The following BCL2L15 variants were observed in gnomAD, a reference collection of about 807,000 sequenced individuals.
BCL2L15 encodes the protein bcl-2-like protein 15.
BCL2L15 carries 15 observed loss-of-function variants against 18.3 expected under a neutral mutation model. That is an observed-to-expected ratio of 0.82 (90% CI 0.55 to 1.26). BCL2L15 has a LOEUF of 1.26. Ranked by LOEUF, BCL2L15 falls within the 50% of genes most tolerant of loss-of-function variation. BCL2L15 has a pLI of 0.00. For synonymous variants in BCL2L15, 58 were observed against 68.5 expected (o/e 0.85, Z 0.76); for missense variants, 180 against 201.7 (o/e 0.89, Z 0.65).
At position 113,878,763 on chromosome 1, in the gene BCL2L15, C is replaced by A. The variant is rs1666788694; in HGVS notation, c.*2360G>T. On this transcript the variant is annotated 3_prime_UTR_variant, in exon 4 of 4. Transcript: ENST00000393316. ...TAACTGGTAGCCAAAAATATAATTTCTACTAAAGAGAAACAGGACACATCA... is the reference window on the plus strand; with the variant it reads ...TAACTGGTAGCCAAAAATATAATTTATACTAAAGAGAAACAGGACACATCA... 6.6e-6 allele frequency: 1 copy of A among 152,134 alleles called. No homozygotes were observed. Among genetic ancestry groups the A allele is most frequent in the African/African-American group, 2.4e-5 (1 of 41,390 alleles). The allele number at this position is 152,134 out of a possible 1,614,324, so 9.4% of individuals were successfully genotyped here. A position where few individuals can be genotyped will look rare whatever the true frequency, so the allele number is the denominator to read the frequency against.
At chr1:113,882,921 CAGAG>C (rs1666921891) in intron 2 of BCL2L15, among the ~76,000 whole-genome samples, 1 of 152,124 alleles carries the variant, frequency 6.6e-6, no homozygotes, top group Admixed American at 6.5e-5. Flanking sequence ...GCCTAGGCAA[CAGAG>C]AAAGACTGTC....
intron 2 of BCL2L15, among the ~76,000 whole-genome samples, chr1:113,884,580 A>G (rs1049313512): frequency 5.9e-5 from 9 of 152,220 alleles, no homozygotes; most frequent in Non-Finnish European, 7.3e-5. Context: ...GATTGTGGTT[A>G]CATTACAGAA....
intron 1 of BCL2L15, 115 bp from the exon 2 acceptor site, chr1:113,886,773 C>T: frequency 9.9e-7 from 1 of 1,008,238 alleles, no homozygotes; most frequent in Non-Finnish European, 1.4e-6. Flanking sequence ...TCATGATCTC[C>T]CAAGAGCTTA....
rs183411608 is a variant in BCL2L15, at chr1:113,879,507, T to G, written c.*1616A>C. On this transcript the variant is annotated 3_prime_UTR_variant, in exon 4 of 4. Transcript: ENST00000393316. ...ACTCAGGAGCTACAGAGCTCTCTGA[T>G]TGGCTGAAGACCCAGAGAAACTGTG... 1 of 152,380 alleles carries G rather than the reference T, an allele frequency of 6.6e-6. No individual in the cohort carries two copies. Among genetic ancestry groups the G allele is most frequent in the Non-Finnish European group, 1.5e-5 (1 of 68,050 alleles). 9.4% of individuals were successfully genotyped at this position (152,380 alleles called of 1,614,324 possible). A position where few individuals can be genotyped will look rare whatever the true frequency, so the allele number is the denominator to read the frequency against.
Position 113,886,603 on chromosome 1 carries a change from AC to A in BCL2L15, c.182del (p.Gly61ValfsTer46). On this transcript the variant is annotated frameshift_variant, in exon 2 of 4. Coordinates refer to ENST00000393316, the MANE Select transcript of BCL2L15 (RefSeq NM_001010922.3). LOFTEE classifies it high-confidence loss of function. ...CTTCCAATTCTCCGTTGAACTGGTC[AC>A]CCAACATCCGAAGGCGACCAGCAAT... ...AIIAGRLRMLGDQFNGELEAS... is the reference protein window; with the variant it reads ...AIIAGRLRMLXDQFNGELEAS... 1.2e-6 allele frequency: 2 copies of A among 1,613,740 alleles called. No individual in the cohort carries two copies. The highest frequency in any genetic ancestry group is 2.2e-5 in the South Asian group (2 of 91,036).
At chr1:113,884,554 C>G (rs930899235) in intron 2 of BCL2L15, among the ~76,000 whole-genome samples, 6 of 151,980 alleles carry the variant, frequency 3.9e-5, no homozygotes, top group Non-Finnish European at 7.4e-5. Context: ...TGTTAATTTC[C>G]TGGTTTTGAT....
intron 2 of BCL2L15, among the ~76,000 whole-genome samples, chr1:113,883,208 C>T (rs1374242805): frequency 1.3e-5 from 2 of 152,030 alleles, no homozygotes; most frequent in Admixed American, 6.5e-5. Context: ...AGAGGCCGGG[C>T]GCAGTGGCTC....
At chr1:113,887,143 C>A in intron 1 of BCL2L15, 106 bp downstream of exon 1, 1 of 1,037,364 alleles carries the variant, frequency 9.6e-7, no homozygotes, top group Non-Finnish European at 1.4e-6. Flanking sequence ...GGTGATCCAC[C>A]CACCTTGGCC....
At chr1:113,881,338 A>G in intron 3 of BCL2L15, 198 bp from the exon 4 acceptor site, 1 of 1,020,172 alleles carries the variant, frequency 9.8e-7, no homozygotes, top group South Asian at 1.8e-5. Flanking sequence ...AATACCTTAT[A>G]TAGTTACCAC....
Position 113,877,351 on chromosome 1 carries a change from C to A in BCL2L15, c.*3772G>T. On this transcript the variant is annotated 3_prime_UTR_variant, in exon 4 of 4. Coordinates refer to ENST00000393316, the MANE Select transcript of BCL2L15 (RefSeq NM_001010922.3). ...TTTTTTTTTTTTTAAAAAAAACAAC[C>A]TTATTAAGGTAGTGCTGATGTACAA... is the stretch of plus-strand genomic sequence containing the variant. 6.7e-6 allele frequency among the ~76,000 whole-genome samples: 1 copy of A among 149,886 alleles called. No homozygotes were observed.
chr1:113,884,444 A>C (rs1353269618), intron 2 of BCL2L15, among the ~76,000 whole-genome samples: 1 of 152,230 alleles, frequency 6.6e-6, no homozygotes. Context: ...AACTAAATGC[A>C]GTATGTGATT....
chr1:113,883,177 C>T (rs929016588), intron 2 of BCL2L15, among the ~76,000 whole-genome samples: 3 of 151,932 alleles, frequency 2.0e-5, no homozygotes, highest in African/African-American at 7.3e-5. Context: ...TTCTAAATAT[C>T]ATTCTCCATT....
In BCL2L15 at chr1:113,881,213, T is replaced by C; in HGVS notation, c.475-73A>G. 3.7e-6 allele frequency: 6 copies of C among 1,606,268 alleles called. 1 individual carries two copies. The South Asian group carries it at 6.6e-5, about 18-fold the overall frequency. Reference sequence around the variant, plus strand: ...AACTTCCTAAGAAACCAGGAAATGATCTGCAGATAGCTCCAGGAAATGTAG... The same window carrying C: ...AACTTCCTAAGAAACCAGGAAATGACCTGCAGATAGCTCCAGGAAATGTAG... On this transcript the variant is annotated intron_variant, in intron 3 of 3. Coordinates refer to ENST00000393316, the MANE Select transcript of BCL2L15 (RefSeq NM_001010922.3).
At position 113,880,947 on chromosome 1, in the gene BCL2L15, C is replaced by A. The variant is rs1413540932; in HGVS notation, c.*176G>T. The A allele has an allele frequency of 2.5e-6, 2 of 794,444 alleles. No homozygotes were observed. The highest frequency in any genetic ancestry group is 1.7e-5 in the African/African-American group (1 of 57,494). The allele number at this position is 794,444 out of a possible 1,614,324, so 49.2% of individuals were successfully genotyped here. ...ACAAAACAAAAACCAACTCTGCAGG[C>A]CTCTGGCAGCTGCTCCCAACTTTAA... On this transcript the variant is annotated 3_prime_UTR_variant, in exon 4 of 4. Transcript: ENST00000393316.
rs1417908020 is a variant in BCL2L15 at position 113,881,814 on chromosome 1, T to A, written c.433A>T (p.Asn145Tyr). 1 of 1,614,196 alleles carries A rather than the reference T, an allele frequency of 6.2e-7. No individual in the cohort carries two copies. Among genetic ancestry groups the A allele is most frequent in the Non-Finnish European group, 8.5e-7 (1 of 1,180,034 alleles). ...AIPMTGMING[N>Y]QAIREFIQGQ... ...TGGATGAACTCCCGGATGGCTTGGT[T>A]CCCATTGATCATACCCGTCATGGGG... The change falls in exon 3 of 4, where the codon AAC (asparagine) becomes TAC (tyrosine). Residue 145 changes from asparagine (N) to tyrosine (Y), a missense_variant. Transcript: ENST00000393316.
rs777242392 is a variant in BCL2L15, at chr1:113,881,968, T to C, written c.279A>G (p.Glu93=). 1.4e-5 allele frequency: 23 copies of C among 1,613,908 alleles called. No individual in the cohort carries two copies. The South Asian group carries it at 2.4e-4, about 17-fold the overall frequency. Residue 93 remains glutamate (E), a synonymous_variant, in exon 3 of 4, where the codon GAA becomes GAG. Transcript: ENST00000393316. ...GAGCACACCAGGTCTTGCTGAGAGATTCCACAGTGTCCTGGAGTATAGCTC... is the reference window on the plus strand; with the variant it reads ...GAGCACACCAGGTCTTGCTGAGAGACTCCACAGTGTCCTGGAGTATAGCTC... ...QTGAILQDTV[E]SLSKTWCAQD... is the part of the protein sequence containing the mutation.
chr1:113,881,342 T>G (rs1453797953), intron 3 of BCL2L15: 3 of 1,007,106 alleles, frequency 3.0e-6, no homozygotes, highest in Non-Finnish European at 4.2e-6. Context: ...CCTTATATAG[T>G]TACCACTACA....
chr1:113,886,389 G>T, intron 2 of BCL2L15, 148 bp downstream of exon 2: 1 of 947,248 alleles, frequency 1.1e-6, no homozygotes, highest in Admixed American at 3.1e-5. Flanking sequence ...TTTAGCAATT[G>T]GAGAATTCTT....
chr1:113,881,294 A>C lies in BCL2L15; in HGVS notation c.475-154T>G, dbSNP rs113732775. 6.0e-6 allele frequency: 7 copies of C among 1,175,812 alleles called. No individual in the cohort carries two copies. In the African/African-American group the frequency reaches 9.3e-5, roughly 16 times the overall value. The allele number at this position is 1,175,812 out of a possible 1,614,324, so 72.8% of individuals were successfully genotyped here. On this transcript the variant is annotated intron_variant, in intron 3 of 3. Coordinates refer to ENST00000393316, the MANE Select transcript of BCL2L15 (RefSeq NM_001010922.3). ...ATGGAAAGGAGTGCTCTATGACAGCATAAGTTCTGATGATTACTAAAACAT... is the reference window on the plus strand; with the variant it reads ...ATGGAAAGGAGTGCTCTATGACAGCCTAAGTTCTGATGATTACTAAAACAT...
Sources: allele counts gnomAD v4.1 joint callset (sites outside exome capture counted in the v4.1 genomes callset), GRCh38; gene constraint gnomAD v4.1.1; transcripts MANE v1.5; gene names NCBI Gene and HGNC (gene_info 2026-07-23, HGNC 2026-07-21).